EXOC4: variants seen among roughly 807,000 people sequenced by gnomAD.
The protein encoded by EXOC4 is SEC8-like 1.
EXOC4 carries 71 observed loss-of-function variants against 107.2 expected under a neutral mutation model. The observed-to-expected ratio is 0.66, with a 90% CI of 0.55 to 0.81. The LOEUF is 0.81. Among genes scored for constraint, EXOC4 ranks in the 30% least tolerant of loss-of-function variants. The pLI is 0.00. For synonymous variants in EXOC4, 456 were observed against 441.2 expected (o/e 1.03, Z -0.42); for missense variants, 1,108 against 1,189.6 (o/e 0.93, Z 1.01).
chr7:134,055,633 T>A (rs561986641), intron 17 of EXOC4, among the ~76,000 whole-genome samples: 1 of 152,306 alleles, frequency 6.6e-6, no homozygotes, highest in African/African-American at 2.4e-5. Context: ...ACCATCTCAT[T>A]TCCAACCCTG....
intron 9 of EXOC4, among the ~76,000 whole-genome samples, chr7:133,492,527 G>A (rs371891772): frequency 6.6e-6 from 1 of 152,110 alleles, no homozygotes; most frequent in Non-Finnish European, 1.5e-5. Flanking sequence ...TCCCTCAAGT[G>A]TAAGGCTTTC....
At position 134,011,052 on chromosome 7, in the gene EXOC4, G is replaced by A. The variant is rs370845123; in HGVS notation, c.2687+3217G>A. ...GTAATGATCATTTAAGCTCTCTTAC[G>A]GTTTTAACCCCCCTGTTAATTTTCA... On this transcript the variant is annotated intron_variant, in intron 17 of 17. Transcript: ENST00000253861. Among the ~76,000 whole-genome samples, 19 of 152,102 alleles carry A rather than the reference G, an allele frequency of 1.2e-4. No individual in the cohort carries two copies. The East Asian group carries it at 1.7e-3, about 14-fold the overall frequency.
At chr7:133,627,976 AT>A (rs1474239312) in intron 9 of EXOC4, among the ~76,000 whole-genome samples, 14 of 152,174 alleles carry the variant, frequency 9.2e-5, no homozygotes, top group Admixed American at 9.2e-4. Flanking sequence ...TTATCAGTCG[AT>A]TTCCAAGATG....
chr7:133,369,231 GT>G (rs1302919781), intron 6 of EXOC4, among the ~76,000 whole-genome samples: 1 of 152,202 alleles, frequency 6.6e-6, no homozygotes, highest in African/African-American at 2.4e-5. Context: ...TCCTGTTTAT[GT>G]GAATGATTCC....
intron 1 of EXOC4, among the ~76,000 whole-genome samples, chr7:133,271,515 A>G (rs1406090233): frequency 6.6e-6 from 1 of 152,176 alleles, no homozygotes; most frequent in Non-Finnish European, 1.5e-5. Context: ...TTTGCCAAGG[A>G]TGTTTGTTTA....
intron 9 of EXOC4, among the ~76,000 whole-genome samples, chr7:133,599,458 C>T (rs1801756078): frequency 6.6e-6 from 1 of 152,162 alleles, no homozygotes; most frequent in African/African-American, 2.4e-5. Flanking sequence ...TCAGCCTTCC[C>T]CTTAACCCTG....
intron 10 of EXOC4, among the ~76,000 whole-genome samples, chr7:133,708,855 G>T (rs1296925411): frequency 2.0e-5 from 3 of 152,154 alleles, no homozygotes; most frequent in African/African-American, 7.2e-5. Context: ...ATCTCAGTTG[G>T]TCTGACCCCA....
intron 12 of EXOC4, among the ~76,000 whole-genome samples, chr7:133,912,380 G>A (rs527989156): frequency 2.0e-5 from 3 of 152,288 alleles, no homozygotes; most frequent in African/African-American, 7.2e-5. Context: ...TTTGTTTTAT[G>A]AGTCAGGACT....
chr7:133,539,945 A>G (rs1012351776), intron 9 of EXOC4, among the ~76,000 whole-genome samples: 5 of 152,120 alleles, frequency 3.3e-5, no homozygotes, highest in Non-Finnish European at 7.4e-5. Flanking sequence ...TGTAGAGGTA[A>G]TGAGTTCACT....
chr7:133,357,560 G>T (rs1796049401), intron 6 of EXOC4, among the ~76,000 whole-genome samples: 1 of 152,136 alleles, frequency 6.6e-6, no homozygotes, highest in Non-Finnish European at 1.5e-5. Context: ...TATACTAACA[G>T]ATCATGTGTG....
chr7:133,346,285 TAA>T (rs1209297510), intron 5 of EXOC4, among the ~76,000 whole-genome samples: 1 of 152,122 alleles, frequency 6.6e-6, no homozygotes, highest in African/African-American at 2.4e-5. Context: ...TGGAGCGCAT[TAA>T]GTCTTTATTA....
chr7:133,904,353 C>A, intron 12 of EXOC4, among the ~76,000 whole-genome samples: 1 of 152,102 alleles, frequency 6.6e-6, no homozygotes, highest in South Asian at 2.1e-4. Flanking sequence ...GATAGTTTTG[C>A]CTGCGCTGTC....
At chr7:133,684,545 T>C (rs1794254353) in intron 10 of EXOC4, among the ~76,000 whole-genome samples, 1 of 152,198 alleles carries the variant, frequency 6.6e-6, no homozygotes, top group African/African-American at 2.4e-5. Context: ...GAAGAAAATA[T>C]GTTAGAAAGG....
chr7:133,466,026 A>G (rs1001109813), intron 7 of EXOC4, among the ~76,000 whole-genome samples: 1 of 151,798 alleles, frequency 6.6e-6, no homozygotes, highest in Non-Finnish European at 1.5e-5. Context: ...AATCCCAACT[A>G]CTCAGGAGGT....
chr7:133,668,884 G>A (rs1363596292), intron 10 of EXOC4, among the ~76,000 whole-genome samples: 2 of 152,122 alleles, frequency 1.3e-5, no homozygotes, highest in Admixed American at 1.3e-4. Context: ...GGCAGGATGT[G>A]GCCTGGGTCA....
At chr7:133,791,717 C>T (rs1428975253) in intron 10 of EXOC4, among the ~76,000 whole-genome samples, 1 of 152,128 alleles carries the variant, frequency 6.6e-6, no homozygotes, top group Non-Finnish European at 1.5e-5. Context: ...CCAAGTTGAG[C>T]AGGGGGCGGT....
intron 10 of EXOC4, among the ~76,000 whole-genome samples, chr7:133,807,690 TTTTG>T (rs1486422388): frequency 6.6e-6 from 1 of 152,234 alleles, no homozygotes; most frequent in Non-Finnish European, 1.5e-5. Flanking sequence ...AGGATTATTA[TTTTG>T]TTCTCTGAGT....
At chr7:133,796,575 T>C (rs1189715273) in intron 10 of EXOC4, among the ~76,000 whole-genome samples, 2 of 152,068 alleles carry the variant, frequency 1.3e-5, no homozygotes, top group Non-Finnish European at 1.5e-5. Context: ...CTGGCCAACA[T>C]GGTGAAACCC....
intron 14 of EXOC4, among the ~76,000 whole-genome samples, chr7:133,990,494 G>A (rs999408092): frequency 6.6e-6 from 1 of 152,124 alleles, no homozygotes. Context: ...CTGTAGCCCA[G>A]GCTGGAGTGC....
Sources: allele counts gnomAD v4.1 joint callset (sites outside exome capture counted in the v4.1 genomes callset), GRCh38; gene constraint gnomAD v4.1.1; transcripts MANE v1.5; gene names NCBI Gene and HGNC (gene_info 2026-07-23, HGNC 2026-07-21).